Variants in MDFIC observed in about 807,000 individuals in gnomAD.
MDFIC encodes MyoD family inhibitor domain containing, also known as myoD family inhibitor domain-containing protein.
A neutral mutation model predicts 23.2 loss-of-function variants in MDFIC; 17 were observed. The observed-to-expected ratio is 0.73, with a 90% CI of 0.50 to 1.10. MDFIC has a LOEUF of 1.10. MDFIC is among the 50% of genes least tolerant of loss of function. The pLI, the probability that MDFIC is intolerant of heterozygous loss-of-function variation, is 0.00. For synonymous variants in MDFIC, 120 were observed against 115.2 expected, an observed-to-expected ratio of 1.04 and a Z score of -0.27; for missense variants, 356 against 316.6, an observed-to-expected ratio of 1.12 and a Z score of -0.95.
At chr7:114,964,891 G>T (rs973134415) in intron 3 of MDFIC, among the ~76,000 whole-genome samples, 12 of 152,170 alleles carry the variant, frequency 7.9e-5, no homozygotes, top group Non-Finnish European at 1.8e-4. Context: ...CTCAGTGCTG[G>T]ATCAGAAGAA....
intron 4 of MDFIC, among the ~76,000 whole-genome samples, chr7:114,983,751 A>G (rs577179893): frequency 1.3e-5 from 2 of 151,682 alleles, no homozygotes; most frequent in Admixed American, 6.6e-5. Flanking sequence ...TTGTATTTTT[A>G]GTAGAGATGG....
At chr7:115,015,539 T>G in intron 4 of MDFIC, 149 bp from the exon 5 acceptor site, 1 of 1,059,522 alleles carries the variant, frequency 9.4e-7, no homozygotes, top group Non-Finnish European at 1.4e-6. Context: ...CTTAAGCTCC[T>G]TTTTGAGCTT....
intron 2 of MDFIC, among the ~76,000 whole-genome samples, chr7:114,940,354 A>G (rs973233865): frequency 1.3e-5 from 2 of 152,246 alleles, no homozygotes; most frequent in Non-Finnish European, 2.9e-5. Flanking sequence ...CCCATGGTAC[A>G]TGAAAAATTT....
chr7:115,004,033 T>C (rs1244218412), intron 4 of MDFIC, among the ~76,000 whole-genome samples: 2 of 152,134 alleles, frequency 1.3e-5, no homozygotes, highest in Non-Finnish European at 2.9e-5. Context: ...ATATAAAAGG[T>C]TGCTAAATAA....
chr7:115,012,891 A>G (rs1186319990), intron 4 of MDFIC, among the ~76,000 whole-genome samples: 2 of 152,110 alleles, frequency 1.3e-5, no homozygotes, highest in African/African-American at 4.8e-5. Flanking sequence ...AGGCAGGAAA[A>G]TCGCTTGAAC....
chr7:114,977,911 A>G (rs1024626517), intron 3 of MDFIC, among the ~76,000 whole-genome samples: 1 of 147,912 alleles, frequency 6.8e-6, no homozygotes, highest in African/African-American at 2.5e-5. Flanking sequence ...TATATATTTT[A>G]TATATCACAT....
intron 2 of MDFIC, among the ~76,000 whole-genome samples, chr7:114,936,882 G>A (rs1792434281): frequency 3.4e-5 from 5 of 145,848 alleles, no homozygotes. Flanking sequence ...TGTGAACATT[G>A]ATTAATTTAT....
chr7:114,992,085 C>A (rs1325747190), intron 4 of MDFIC, among the ~76,000 whole-genome samples: 1 of 152,078 alleles, frequency 6.6e-6, no homozygotes, highest in East Asian at 1.9e-4. Context: ...AAGTTGGATT[C>A]CTAGGTATTT....
At chr7:114,946,225 AGTGTGT>A (rs141050062) in intron 3 of MDFIC, among the ~76,000 whole-genome samples, 14,077 of 149,428 alleles carry the variant, frequency 0.094, 746 homozygotes, top group Middle Eastern at 0.17. Flanking sequence ...TAGGAAGAAG[AGTGTGT>A]GTGTGTGTGT....
intron 3 of MDFIC, 67 bp downstream of exon 3, chr7:114,942,464 A>G: frequency 8.3e-7 from 1 of 1,203,024 alleles, no homozygotes; most frequent in Non-Finnish European, 1.1e-6. Context: ...TTCTTCGTTA[A>G]TTGCCCCAGA....
At chr7:114,986,681 A>T (rs539511085) in intron 4 of MDFIC, among the ~76,000 whole-genome samples, 3 of 152,296 alleles carry the variant, frequency 2.0e-5, no homozygotes, top group South Asian at 4.1e-4. Flanking sequence ...GTATGTTCTC[A>T]TAACTCTCTT....
In MDFIC at chr7:114,998,612, G is replaced by C. The variant is rs1302597921; in HGVS notation, c.494-17076G>C. Among the ~76,000 whole-genome samples the C allele has an allele frequency of 2.0e-5, 3 of 152,096 alleles. No individual in the cohort carries two copies. In the East Asian group the frequency reaches 5.8e-4, roughly 29 times the overall value. ...TTATATTCTTTGTCATTAACTGAAA[G>C]TACTTCTTATAATACTATATTTTAT... On this transcript the variant is annotated intron_variant, in intron 4 of 4. Transcript: ENST00000393486.
At chr7:114,994,564 G>A (rs1791278441) in intron 4 of MDFIC, among the ~76,000 whole-genome samples, 1 of 152,142 alleles carries the variant, frequency 6.6e-6, no homozygotes, top group Non-Finnish European at 1.5e-5. Context: ...AAATCTCTCA[G>A]CATTTGCTTA....
chr7:114,992,551 T>C (rs1489602738), intron 4 of MDFIC, among the ~76,000 whole-genome samples: 1 of 152,232 alleles, frequency 6.6e-6, no homozygotes, highest in East Asian at 1.9e-4. Context: ...TGAGAGTTTT[T>C]AGTATGAAGG....
chr7:114,923,084 C>G lies in MDFIC; in HGVS notation c.51C>G (p.Arg17=). Residue 17 remains arginine (R), a synonymous_variant, in exon 2 of 5, where the codon CGC becomes CGG. Transcript: ENST00000393486. Reference sequence around the variant, plus strand: ...CTCCCGGGCCCGTGGGGCCGCAGCGCGTGGCCGAGGCGGGCGGCGGCCAGC... The same window carrying G: ...CTCCCGGGCCCGTGGGGCCGCAGCGGGTGGCCGAGGCGGGCGGCGGCCAGC... ...ALAPGPVGPQ[R]VAEAGGGQLG... 2 of 1,438,278 alleles carry G rather than the reference C, an allele frequency of 1.4e-6. No homozygotes were observed. Among genetic ancestry groups the G allele is most frequent in the Non-Finnish European group, 1.8e-6 (2 of 1,096,828 alleles). 89.1% of individuals were successfully genotyped at this position (1,438,278 alleles called of 1,614,324 possible).
chr7:115,000,004 C>G (rs1791428484), intron 4 of MDFIC, among the ~76,000 whole-genome samples: 1 of 151,976 alleles, frequency 6.6e-6, no homozygotes, highest in South Asian at 2.1e-4. Flanking sequence ...ATCAGATCAC[C>G]ACTAGAACTT....
chr7:115,015,801 T>A lies in MDFIC; in HGVS notation c.607T>A (p.Cys203Ser). ...GICTSEACCC[C>S]CGDEMGDDCN... The stretch of plus-strand genomic sequence containing the variant: ...CTGCACCTCAGAAGCCTGCTGCTGT[T>A]GCTGTGGTGACGAGATGGGGGATGA... The change falls in exon 5 of 5, where the codon TGC becomes AGC. Residue 203 changes from cysteine to serine, a missense_variant. Cys to Ser is a moderately radical substitution (Grantham distance 112). Transcript: ENST00000393486. 1 of 1,614,208 alleles carries A rather than the reference T, an allele frequency of 6.2e-7. No homozygotes were observed. Among genetic ancestry groups the A allele is most frequent in the Non-Finnish European group, 8.5e-7 (1 of 1,180,040 alleles).
chr7:114,972,488 G>C (rs1021626460), intron 3 of MDFIC, among the ~76,000 whole-genome samples: 1 of 152,090 alleles, frequency 6.6e-6, no homozygotes, highest in Admixed American at 6.5e-5. Context: ...GGAAATTTGA[G>C]GAAATTTTAC....
chr7:114,992,329 A>T lies in MDFIC; in HGVS notation c.493+12548A>T, dbSNP rs1291012442. 6.6e-5 allele frequency among the ~76,000 whole-genome samples: 10 copies of T among 152,280 alleles called. No individual in the cohort carries two copies. The East Asian group carries it at 1.9e-3, about 29-fold the overall frequency. ...ATTTGACTTCCTCTTTTCCTAGTTG[A>T]ATACCCTTTATTTCTTTCTCCTGCC... On this transcript the variant is annotated intron_variant, in intron 4 of 4. Transcript: ENST00000393486.
Sources: allele counts gnomAD v4.1 joint callset (sites outside exome capture counted in the v4.1 genomes callset), GRCh38; gene constraint gnomAD v4.1.1; transcripts MANE v1.5; gene names NCBI Gene and HGNC (gene_info 2026-07-23, HGNC 2026-07-21).